EDAR: variants seen among roughly 807,000 people sequenced by gnomAD.
The protein encoded by EDAR is ectodysplasin A receptor.
In EDAR, 38 loss-of-function variants were observed where a neutral mutation model predicts 51.3. The ratio of observed to expected loss-of-function variants is 0.74; its 90% CI spans 0.57 to 0.97. EDAR has a LOEUF of 0.97. EDAR is among the 50% of genes least tolerant of loss of function. The pLI is 0.00. For missense variants in EDAR, 528 were observed against 595.0 expected (o/e 0.89, Z 1.17); for synonymous variants, 227 against 242.1 (o/e 0.94, Z 0.58).
At chr2:108,966,885 G>C (rs747362599) in intron 1 of EDAR, among the ~76,000 whole-genome samples, 5 of 152,228 alleles carry the variant, frequency 3.3e-5, no homozygotes, top group Non-Finnish European at 5.9e-5. Context: ...GGGAGACAGA[G>C]AGGGACCCTC....
intron 1 of EDAR, among the ~76,000 whole-genome samples, chr2:108,943,112 A>C (rs1697640495): frequency 6.6e-6 from 1 of 152,062 alleles, no homozygotes; most frequent in Admixed American, 6.5e-5. Flanking sequence ...GAAGCAAAGA[A>C]CTCATAAATT....
intron 1 of EDAR, among the ~76,000 whole-genome samples, chr2:108,965,808 T>C (rs1056848101): frequency 6.6e-6 from 1 of 152,108 alleles, no homozygotes; most frequent in Non-Finnish European, 1.5e-5. Context: ...GATGGGCCTT[T>C]TGATGTGCAG....
chr2:108,946,137 A>C (rs1289188408), intron 1 of EDAR, among the ~76,000 whole-genome samples: 1 of 152,132 alleles, frequency 6.6e-6, no homozygotes, highest in Non-Finnish European at 1.5e-5. Context: ...AGTCGTCCAC[A>C]CCCTGTGAGA....
At chr2:108,982,374 C>T (rs1451780740) in intron 1 of EDAR, among the ~76,000 whole-genome samples, 2 of 152,246 alleles carry the variant, frequency 1.3e-5, no homozygotes, top group African/African-American at 2.4e-5. Flanking sequence ...AGGCCTCCAT[C>T]TCCAGAGGCT....
chr2:108,909,964 C>T (rs1212532210), intron 9 of EDAR, among the ~76,000 whole-genome samples: 2 of 152,194 alleles, frequency 1.3e-5, no homozygotes, highest in Non-Finnish European at 2.9e-5. Context: ...GATACAAGCA[C>T]CTTGCTCCTG....
chr2:108,906,968 G>A (rs1367601699), intron 10 of EDAR, among the ~76,000 whole-genome samples: 1 of 152,230 alleles, frequency 6.6e-6, no homozygotes, highest in Non-Finnish European at 1.5e-5. Flanking sequence ...CATCAGTGAT[G>A]TTGCCTAGCA....
chr2:108,982,502 T>C (rs898629758), intron 1 of EDAR, among the ~76,000 whole-genome samples: 1 of 152,236 alleles, frequency 6.6e-6, no homozygotes, highest in African/African-American at 2.4e-5. Context: ...AGCTCAACAT[T>C]CTGTTGTACT....
intron 1 of EDAR, among the ~76,000 whole-genome samples, chr2:108,982,952 T>G (rs190086800): frequency 6.6e-6 from 1 of 152,194 alleles, no homozygotes; most frequent in Non-Finnish European, 1.5e-5. Flanking sequence ...CAAATCTCTC[T>G]AAGAATGAGC....
At chr2:108,978,524 A>G (rs1331604202) in intron 1 of EDAR, among the ~76,000 whole-genome samples, 11 of 152,338 alleles carry the variant, frequency 7.2e-5, no homozygotes, top group Middle Eastern at 3.4e-3. Flanking sequence ...GGGCTTAGGG[A>G]ACATGCAGAT....
intron 5 of EDAR, among the ~76,000 whole-genome samples, chr2:108,914,483 C>A (rs534698223): frequency 6.6e-6 from 1 of 152,258 alleles, no homozygotes; most frequent in African/African-American, 2.4e-5. Context: ...CACAACTCCC[C>A]TTCTATGGAA....
chr2:108,975,387 C>A (rs184401973), intron 1 of EDAR, among the ~76,000 whole-genome samples: 2 of 152,310 alleles, frequency 1.3e-5, no homozygotes, highest in African/African-American at 4.8e-5. Flanking sequence ...CAGCCCTGGG[C>A]ACAGCATCAG....
chr2:108,962,398 A>G (rs922684998), intron 1 of EDAR, among the ~76,000 whole-genome samples: 2 of 152,120 alleles, frequency 1.3e-5, no homozygotes, highest in African/African-American at 2.4e-5. Context: ...AATCGGCCAG[A>G]CGCGGTGGCT....
In EDAR at chr2:108,915,821, C is replaced by T. The variant is rs1014558076; in HGVS notation, c.443-3057G>A. ...CTGAGGCAAGAGAATCGCTGGAACC[C>T]GGGAGGCGGAGGTTGCAGTGAGTCG... is the stretch of plus-strand genomic sequence containing the variant. On this transcript the variant is annotated intron_variant, in intron 5 of 11. Coordinates refer to ENST00000258443, the MANE Select transcript of EDAR (RefSeq NM_022336.4). 1.2e-4 allele frequency among the ~76,000 whole-genome samples: 18 copies of T among 151,860 alleles called. 1 individual carries two copies. The highest frequency in any genetic ancestry group is 1.1e-3 in the Admixed American group (16 of 15,230).
intron 5 of EDAR, among the ~76,000 whole-genome samples, chr2:108,919,381 G>A (rs1039447755): frequency 6.6e-5 from 10 of 152,060 alleles, no homozygotes; most frequent in Non-Finnish European, 1.0e-4. Flanking sequence ...ATTTAGAGGC[G>A]GAGTTTCGCT....
At chr2:108,977,367 C>A (rs1698341399) in intron 1 of EDAR, among the ~76,000 whole-genome samples, 1 of 152,208 alleles carries the variant, frequency 6.6e-6, no homozygotes, top group East Asian at 1.9e-4. Context: ...CTCCCGGGTT[C>A]ACGCCATTCT....
intron 11 of EDAR, among the ~76,000 whole-genome samples, chr2:108,903,214 A>G (rs1696734209): frequency 6.6e-6 from 1 of 152,236 alleles, no homozygotes; most frequent in Non-Finnish European, 1.5e-5. Context: ...CGGAAGCTAC[A>G]CAATGCAGAT....
At chr2:108,918,331 T>G (rs1051311559) in intron 5 of EDAR, among the ~76,000 whole-genome samples, 14 of 152,308 alleles carry the variant, frequency 9.2e-5, no homozygotes, top group Middle Eastern at 3.4e-3. Context: ...ATATACAGTG[T>G]CTGGAGGTTT....
chr2:108,929,716 C>T (rs1431886290), intron 3 of EDAR, among the ~76,000 whole-genome samples: 1 of 152,148 alleles, frequency 6.6e-6, no homozygotes, highest in East Asian at 1.9e-4. Flanking sequence ...ACTGAAACCC[C>T]GGAGGTTTCC....
chr2:108,962,484 G>A lies in EDAR; in HGVS notation c.-19+26476C>T, dbSNP rs182774222. On this transcript the variant is annotated intron_variant, in intron 1 of 11. Transcript: ENST00000258443. ...GTCAGGAGATCGAGACCATCCTGGC[G>A]AACACAGTGAAACCCTGTCTCTACT... Among the ~76,000 whole-genome samples the A allele has an allele frequency of 9.7e-4, 147 of 151,804 alleles. 1 individual carries two copies. Among genetic ancestry groups the A allele is most frequent in the African/African-American group, 3.3e-3 (138 of 41,392 alleles).
Sources: allele counts gnomAD v4.1 joint callset (sites outside exome capture counted in the v4.1 genomes callset), GRCh38; gene constraint gnomAD v4.1.1; transcripts MANE v1.5; gene names NCBI Gene and HGNC (gene_info 2026-07-23, HGNC 2026-07-21).